The following PSMA1 variants were observed in gnomAD, a reference collection of about 807,000 sequenced individuals.
The protein encoded by PSMA1 is proteasome 20S subunit alpha 1.
Under a neutral mutation model 38.4 loss-of-function variants are expected in PSMA1, and 3 were observed. That is an observed-to-expected ratio of 0.08 (90% CI 0.04 to 0.20). The LOEUF is 0.20. Among genes scored for constraint, PSMA1 ranks in the 10% least tolerant of loss-of-function variants. The pLI is 1.00. For missense variants in PSMA1, 227 were observed against 325.3 expected, an observed-to-expected ratio of 0.70 and a Z score of 2.32; for synonymous variants, 101 against 107.1, an observed-to-expected ratio of 0.94 and a Z score of 0.35.
chr11:14,522,824 A>G (rs991238886), upstream of PSMA1, among the ~76,000 whole-genome samples: 2 of 152,230 alleles, frequency 1.3e-5, no homozygotes, highest in Non-Finnish European at 2.9e-5. Context: ...AACCCACTGA[A>G]TCTAGTTTAA....
chr11:14,527,156 G>T (rs1851596816), intron 2 of PSMA1, among the ~76,000 whole-genome samples: 1 of 152,102 alleles, frequency 6.6e-6, no homozygotes, highest in Non-Finnish European at 1.5e-5. Flanking sequence ...GTCATACACT[G>T]CAAGGGCCAC....
intron 2 of PSMA1, among the ~76,000 whole-genome samples, chr11:14,568,869 G>A (rs1302100347): frequency 6.6e-6 from 1 of 152,156 alleles, no homozygotes; most frequent in African/African-American, 2.4e-5. Flanking sequence ...GTTCATCTCT[G>A]AATCTCACCT....
chr11:14,510,323 C>G (rs1426824645), intron 8 of PSMA1, among the ~76,000 whole-genome samples: 1 of 152,082 alleles, frequency 6.6e-6, no homozygotes, highest in East Asian at 1.9e-4. Flanking sequence ...ATATCTTTTC[C>G]TCAAATTTCA....
At chr11:14,514,379 T>C in intron 5 of PSMA1, 24 bp downstream of exon 5, 1 of 1,589,474 alleles carries the variant, frequency 6.3e-7, no homozygotes. Flanking sequence ...TTCATATCCA[T>C]AAATGCTAAC....
At chr11:14,541,658 AAG>A (rs1851774441) in intron 2 of PSMA1, among the ~76,000 whole-genome samples, 1 of 152,220 alleles carries the variant, frequency 6.6e-6, no homozygotes, top group African/African-American at 2.4e-5. Flanking sequence ...AAGCTGGAGA[AAG>A]AGGCACTAGG....
intron 9 of PSMA1, among the ~76,000 whole-genome samples, chr11:14,505,726 C>T (rs1293680159): frequency 3.9e-5 from 6 of 151,952 alleles, no homozygotes; most frequent in Admixed American, 6.6e-5. Context: ...TCTATTTGGT[C>T]GGGTGCAGCA....
chr11:14,599,331 G>A (rs1046457342), intron 2 of PSMA1, among the ~76,000 whole-genome samples: 17 of 152,158 alleles, frequency 1.1e-4, no homozygotes, highest in Non-Finnish European at 1.9e-4. Context: ...CCTGAAGAGT[G>A]TTTTCCAACT....
intron 1 of PSMA1, among the ~76,000 whole-genome samples, chr11:14,622,339 C>T (rs1852857504): frequency 6.6e-6 from 1 of 152,162 alleles, no homozygotes; most frequent in Non-Finnish European, 1.5e-5. Context: ...TGACTTAGAG[C>T]TATGTTAATG....
chr11:14,620,893 T>C (rs1852835819), intron 1 of PSMA1, among the ~76,000 whole-genome samples: 1 of 152,204 alleles, frequency 6.6e-6, no homozygotes, highest in African/African-American at 2.4e-5. Flanking sequence ...CTGAGAGTTA[T>C]CAAGATCATT....
Position 14,520,314 on chromosome 11 carries a change from C to A in PSMA1, c.-15G>T. The A allele has an allele frequency of 6.2e-7, 1 of 1,614,154 alleles. No homozygotes were observed. Among genetic ancestry groups the A allele is most frequent in the Non-Finnish European group, 8.5e-7 (1 of 1,179,994 alleles). On this transcript the variant is annotated 5_prime_UTR_variant, in exon 1 of 10. Transcript: ENST00000396394. The stretch of plus-strand genomic sequence containing the variant: ...CAACGTACCATGGTGGCGGCGCGGG[C>A]CTGGTTGCGGCCTCCAGCAAAACTG...
intron 2 of PSMA1, among the ~76,000 whole-genome samples, chr11:14,589,379 G>A (rs1307264980): frequency 1.3e-5 from 2 of 150,750 alleles, no homozygotes; most frequent in African/African-American, 2.4e-5. Context: ...GTGTGTGTGT[G>A]TGTGTATATA....
exon 2 of PSMA1, chr11:14,611,095 G>T: frequency 1.8e-6 from 2 of 1,085,590 alleles, no homozygotes; most frequent in South Asian, 1.3e-5. Context: ...TTACCACTCT[G>T]CTACTGGCCT....
At chr11:14,619,916 C>T (rs1179403698) in intron 1 of PSMA1, among the ~76,000 whole-genome samples, 1 of 152,058 alleles carries the variant, frequency 6.6e-6, no homozygotes, top group African/African-American at 2.4e-5. Context: ...GGCATCAGAA[C>T]CTAGATAAGT....
At chr11:14,514,591 T>G (rs1421996319) in intron 4 of PSMA1, 100 bp from the exon 5 acceptor site, 1 of 915,826 alleles carries the variant, frequency 1.1e-6, no homozygotes, top group East Asian at 3.0e-5. Flanking sequence ...AGCGTTTACA[T>G]GGATAACATC....
chr11:14,524,020 ATCCC>A (rs1851559399), upstream of PSMA1, among the ~76,000 whole-genome samples: 2 of 147,114 alleles, frequency 1.4e-5, no homozygotes, highest in African/African-American at 5.0e-5. Flanking sequence ...CACACCTGTA[ATCCC>A]GACACTTTTT....
chr11:14,575,737 T>G (rs1242838636), intron 2 of PSMA1, among the ~76,000 whole-genome samples: 1 of 152,242 alleles, frequency 6.6e-6, no homozygotes, highest in Non-Finnish European at 1.5e-5. Context: ...CATGTGTCTT[T>G]ATAGCAGCAT....
intron 2 of PSMA1, among the ~76,000 whole-genome samples, chr11:14,553,346 C>CGT (rs1387634111): frequency 6.6e-6 from 1 of 151,850 alleles, no homozygotes; most frequent in Non-Finnish European, 1.5e-5. Flanking sequence ...TACCTATACT[C>CGT]GTGTGTGTGT....
Position 14,518,991 on chromosome 11 carries a change from T to A in PSMA1, c.48+6A>T, listed in dbSNP as rs769232108. 1 of 1,575,878 alleles carries A rather than the reference T, an allele frequency of 6.3e-7. No individual in the cohort carries two copies. The highest frequency in any genetic ancestry group is 8.6e-7 in the Non-Finnish European group (1 of 1,161,596). ...TCACAGAAAAGGTTTAAAAACATTA[T>A]TTTACCTGGGGGCTCCAAACAGTGA... is the stretch of plus-strand genomic sequence containing the variant. On this transcript the variant is annotated splice_donor_region_variant and intron_variant, in intron 2 of 9. Coordinates refer to ENST00000396394, the MANE Select transcript of PSMA1 (RefSeq NM_002786.4).
intron 2 of PSMA1, among the ~76,000 whole-genome samples, chr11:14,537,747 C>T (rs948387765): frequency 3.5e-5 from 5 of 141,666 alleles, no homozygotes; most frequent in Admixed American, 1.5e-4. Flanking sequence ...ATCACTTTGT[C>T]ACCCAGGCTG....
Sources: gnomAD v4.1 joint callset for allele counts (sites outside exome capture counted in the v4.1 genomes callset) on GRCh38, gnomAD v4.1.1 for gene constraint, MANE v1.5 for transcripts, NCBI Gene and HGNC (gene_info 2026-07-23, HGNC 2026-07-21) for gene names.